Variants in TTC29 observed in about 807,000 individuals in gnomAD.
The protein encoded by TTC29 is tetratricopeptide repeat protein 29.
Under a neutral mutation model 58.1 loss-of-function variants are expected in TTC29, and 49 were observed. That is an observed-to-expected ratio of 0.84 (90% CI 0.67 to 1.07). TTC29 has a LOEUF of 1.07. Ranked by LOEUF, TTC29 falls within the 50% of genes least tolerant of loss-of-function variation. The pLI, the probability that TTC29 is intolerant of heterozygous loss-of-function variation, is 0.00. For synonymous variants in TTC29, 209 were observed against 196.8 expected (o/e 1.06, Z -0.52); for missense variants, 582 against 555.6 (o/e 1.05, Z -0.48).
Position 146,867,569 on chromosome 4 carries a change from T to C in TTC29, c.814A>G (p.Met272Val), listed in dbSNP as rs1202784088. 2 of 1,527,570 alleles carry C rather than the reference T, an allele frequency of 1.3e-6. No homozygotes were observed. The highest frequency in any genetic ancestry group is 1.4e-5 in the African/African-American group (1 of 72,188). The allele number at this position is 1,527,570 out of a possible 1,614,324, so 94.6% of individuals were successfully genotyped here. A position where few individuals can be genotyped will look rare whatever the true frequency, so the allele number is the denominator to read the frequency against. The change falls in exon 8 of 13, where the codon ATG becomes GTG. Residue 272 changes from methionine (M) to valine (V), a missense_variant. Transcript: ENST00000325106. ...AAGTAGTAAGAGGCTTCCGCTTCCA[T>C]CTTTTTGTCACTTCCTGAAGTGAAG... ...EIAKEGSDKK[M>V]EAEASYYLGL...
At chr4:146,802,014 CTT>C (rs1750266460) in intron 11 of TTC29, among the ~76,000 whole-genome samples, 1 of 106,290 alleles carries the variant, frequency 9.4e-6, no homozygotes, top group Non-Finnish European at 2.1e-5. Flanking sequence ...AAAAAAGAGA[CTT>C]TTTTAAAGCG....
intron 11 of TTC29, among the ~76,000 whole-genome samples, chr4:146,710,407 G>T (rs1742396281): frequency 2.0e-5 from 3 of 152,118 alleles, no homozygotes; most frequent in Admixed American, 6.6e-5. Flanking sequence ...GAATCTTTCA[G>T]CTCCATTATA....
intron 5 of TTC29, among the ~76,000 whole-genome samples, chr4:146,905,802 T>C (rs2150276871): frequency 6.6e-6 from 1 of 152,344 alleles, no homozygotes; most frequent in South Asian, 2.1e-4. Context: ...ATCAGCATGC[T>C]GAATGCTCTG....
chr4:146,776,517 G>T (rs1452661309), intron 11 of TTC29, among the ~76,000 whole-genome samples: 1 of 151,864 alleles, frequency 6.6e-6, no homozygotes, highest in Non-Finnish European at 1.5e-5. Flanking sequence ...AATTGACTGG[G>T]TTTGCTTCTG....
At chr4:146,905,393 C>A (rs1297254825) in intron 5 of TTC29, among the ~76,000 whole-genome samples, 1 of 149,336 alleles carries the variant, frequency 6.7e-6, no homozygotes, top group Non-Finnish European at 1.5e-5. Context: ...AGTAATTAAA[C>A]CTTAATGTAA....
intron 11 of TTC29, among the ~76,000 whole-genome samples, chr4:146,761,974 A>C (rs902840951): frequency 2.0e-5 from 3 of 151,948 alleles, no homozygotes; most frequent in Non-Finnish European, 4.4e-5. Flanking sequence ...AAACAAAAAC[A>C]AAAACAAAAA....
At chr4:146,745,992 T>C (rs1745513064) in intron 11 of TTC29, among the ~76,000 whole-genome samples, 1 of 152,238 alleles carries the variant, frequency 6.6e-6, no homozygotes, top group African/African-American at 2.4e-5. Flanking sequence ...TGCAAAGAGA[T>C]ACTTTGCTTT....
At chr4:146,807,457 T>A (rs1750695650) in intron 10 of TTC29, among the ~76,000 whole-genome samples, 1 of 152,156 alleles carries the variant, frequency 6.6e-6, no homozygotes, top group Non-Finnish European at 1.5e-5. Context: ...AGGAGCTGGT[T>A]TTTTGAAAAG....
chr4:146,944,772 T>C (rs1560748601), intron 2 of TTC29, among the ~76,000 whole-genome samples: 1 of 151,780 alleles, frequency 6.6e-6, no homozygotes, highest in Non-Finnish European at 1.5e-5. Context: ...GAAAGTTTAA[T>C]GAAAACTACA....
At chr4:146,713,909 G>A (rs1370703230) in intron 11 of TTC29, among the ~76,000 whole-genome samples, 1 of 152,100 alleles carries the variant, frequency 6.6e-6, no homozygotes, top group Non-Finnish European at 1.5e-5. Flanking sequence ...AATCTGTCCA[G>A]ACACTAAATA....
intron 11 of TTC29, among the ~76,000 whole-genome samples, chr4:146,737,168 A>G (rs1239442735): frequency 6.6e-6 from 1 of 152,176 alleles, no homozygotes; most frequent in Non-Finnish European, 1.5e-5. Flanking sequence ...GCAGTGACCA[A>G]TGGCCTGGCC....
At chr4:146,906,989 G>A (rs1173618972) in intron 5 of TTC29, among the ~76,000 whole-genome samples, 1 of 152,154 alleles carries the variant, frequency 6.6e-6, no homozygotes, top group Non-Finnish European at 1.5e-5. Flanking sequence ...TGGCATGGTG[G>A]TTTGTGCCTG....
intron 11 of TTC29, among the ~76,000 whole-genome samples, chr4:146,752,548 C>A (rs1746090801): frequency 6.6e-6 from 1 of 151,746 alleles, no homozygotes; most frequent in South Asian, 2.1e-4. Flanking sequence ...TTGGAAAAAA[C>A]TACTTTAAAG....
chr4:146,884,684 A>G (rs1324478913), intron 6 of TTC29, among the ~76,000 whole-genome samples: 1 of 152,056 alleles, frequency 6.6e-6, no homozygotes, highest in Non-Finnish European at 1.5e-5. Flanking sequence ...GCTCCCAAGG[A>G]ACTTGCTTAG....
chr4:146,760,236 T>A (rs915521810), intron 11 of TTC29, among the ~76,000 whole-genome samples: 1 of 151,934 alleles, frequency 6.6e-6, no homozygotes. Flanking sequence ...ACCAAGGAGT[T>A]GAAAGACCTC....
intron 4 of TTC29, among the ~76,000 whole-genome samples, chr4:146,912,534 T>C (rs1163620399): frequency 6.6e-6 from 1 of 152,148 alleles, no homozygotes; most frequent in East Asian, 1.9e-4. Flanking sequence ...TTTAGAATCT[T>C]GAACAACCTG....
At chr4:146,734,177 G>A (rs552757946) in intron 11 of TTC29, among the ~76,000 whole-genome samples, 2 of 152,230 alleles carry the variant, frequency 1.3e-5, no homozygotes, top group Admixed American at 1.3e-4. Context: ...AGAGGTAGGA[G>A]GGTATAGTCT....
At chr4:146,787,366 T>C (rs1749100251) in intron 11 of TTC29, among the ~76,000 whole-genome samples, 1 of 152,194 alleles carries the variant, frequency 6.6e-6, no homozygotes, top group South Asian at 2.1e-4. Context: ...ATATTTTCCA[T>C]GTTTCTTCTT....
In TTC29 at chr4:146,753,541, C is replaced by T. The variant is rs191011136; in HGVS notation, c.1331-45990G>A. ...TAGAAATACCATTTGACCCAGCCAT[C>T]CTATTGCTGGATATATATACCCAAA... On this transcript the variant is annotated intron_variant, in intron 11 of 12. Coordinates refer to ENST00000325106, the MANE Select transcript of TTC29 (RefSeq NM_031956.4). Among the ~76,000 whole-genome samples the T allele has an allele frequency of 3.3e-5, 5 of 152,272 alleles. No individual in the cohort carries two copies. The East Asian group carries it at 9.6e-4, about 29-fold the overall frequency.
Sources: gnomAD v4.1 joint callset for allele counts (sites outside exome capture counted in the v4.1 genomes callset) on GRCh38, gnomAD v4.1.1 for gene constraint, MANE v1.5 for transcripts, NCBI Gene and HGNC (gene_info 2026-07-23, HGNC 2026-07-21) for gene names.